Variants in RGS8 observed in about 807,000 individuals in gnomAD.
RGS8 encodes the protein regulator of G protein signaling 8, also known as regulator of G-protein signaling 8.
RGS8 carries 8 observed loss-of-function variants against 21.7 expected under a neutral mutation model. That is an observed-to-expected ratio of 0.37 (90% CI 0.22 to 0.66). The LOEUF (loss-of-function observed/expected upper bound fraction) is 0.66, where lower values mean the gene tolerates loss of function less well. RGS8 is among the 30% of genes least tolerant of loss of function. The pLI is 0.59. For missense variants in RGS8, 157 were observed against 217.9 expected (o/e 0.72, Z 1.76); for synonymous variants, 80 against 83.6 (o/e 0.96, Z 0.24).
At chr1:182,707,908 G>A in the RGS8 span, among the ~76,000 whole-genome samples, 14 of 152,034 alleles carry the variant, frequency 9.2e-5, no homozygotes, top group South Asian at 2.5e-3. Flanking sequence ...GGGTTTCACC[G>A]TGTTAGCCAG....
At chr1:182,648,367 A>G (rs1662806024) in intron 5 of RGS8, 64 bp from the exon 7 acceptor site, 1 of 1,540,028 alleles carries the variant, frequency 6.5e-7, no homozygotes, top group African/African-American at 1.4e-5. Context: ...GAACTGTAGA[A>G]GAAAGAAAGG....
chr1:182,730,770 A>C, the RGS8 span, among the ~76,000 whole-genome samples: 1 of 152,144 alleles, frequency 6.6e-6, no homozygotes, highest in African/African-American at 2.4e-5. Context: ...TTGCAGAAAA[A>C]GTCCCTAGAC....
the RGS8 span, among the ~76,000 whole-genome samples, chr1:182,731,711 G>A: frequency 1.3e-5 from 2 of 152,318 alleles, no homozygotes; most frequent in East Asian, 1.9e-4. Context: ...AATGGACTAC[G>A]ATTTAAATGA....
chr1:182,671,977 C>A, upstream of RGS8: 2 of 1,280,890 alleles, frequency 1.6e-6, no homozygotes, highest in Non-Finnish European at 2.0e-6. Context: ...ACAGTCTGCA[C>A]GCCCATCCTC....
the RGS8 span, among the ~76,000 whole-genome samples, chr1:182,700,861 A>C: frequency 6.6e-6 from 1 of 152,336 alleles, no homozygotes; most frequent in Admixed American, 6.5e-5. Flanking sequence ...AAATTAAGAC[A>C]CCAGAAAAAA....
At chr1:182,686,566 G>A (rs530372891), upstream of RGS8, among the ~76,000 whole-genome samples, 2 of 152,292 alleles carry the variant, frequency 1.3e-5, no homozygotes, top group South Asian at 2.1e-4. Context: ...AGCTGAGAAT[G>A]ACTCTACAAT....
At chr1:182,683,730 C>T (rs538689668) in intron 1 of RGS8, among the ~76,000 whole-genome samples, 56 of 151,976 alleles carry the variant, frequency 3.7e-4, no homozygotes, top group Admixed American at 9.2e-4. Flanking sequence ...GGCAACCGTG[C>T]CCTCAACTCA....
At chr1:182,713,475 C>T in the RGS8 span, among the ~76,000 whole-genome samples, 39 of 152,168 alleles carry the variant, frequency 2.6e-4, no homozygotes, top group Non-Finnish European at 4.7e-4. Context: ...TGAGCCACCA[C>T]GCCCGGCCTC....
chr1:182,727,635 T>C, the RGS8 span, among the ~76,000 whole-genome samples: 1 of 152,178 alleles, frequency 6.6e-6, no homozygotes, highest in East Asian at 1.9e-4. Context: ...GAACACCAAA[T>C]AATTCTATAA....
At chr1:182,687,744 T>G (rs1376673224), upstream of RGS8, among the ~76,000 whole-genome samples, 1 of 152,202 alleles carries the variant, frequency 6.6e-6, no homozygotes, top group African/African-American at 2.4e-5. Flanking sequence ...GACTCTGCAT[T>G]TGTTAGAATA....
chr1:182,691,783 A>G, the RGS8 span, among the ~76,000 whole-genome samples: 1 of 151,880 alleles, frequency 6.6e-6, no homozygotes. Flanking sequence ...CGCTCTCACC[A>G]CTCCTATCCA....
At chr1:182,747,918 T>C in the RGS8 span, among the ~76,000 whole-genome samples, 1 of 152,206 alleles carries the variant, frequency 6.6e-6, no homozygotes, top group Non-Finnish European at 1.5e-5. Context: ...TTGTTTTGTC[T>C]GTTTCTTACA....
chr1:182,691,319 C>T, the RGS8 span, among the ~76,000 whole-genome samples: 504 of 152,172 alleles, frequency 3.3e-3, 1 homozygote, highest in African/African-American at 0.011. Flanking sequence ...TTTAATTTAC[C>T]CCTCCCAACT....
chr1:182,725,891 T>C, the RGS8 span, among the ~76,000 whole-genome samples: 1 of 152,172 alleles, frequency 6.6e-6, no homozygotes, highest in Non-Finnish European at 1.5e-5. Context: ...AGTCACAAAA[T>C]GTTAATGTTA....
At chr1:182,711,064 T>C in the RGS8 span, among the ~76,000 whole-genome samples, 1 of 152,130 alleles carries the variant, frequency 6.6e-6, no homozygotes, top group Admixed American at 6.5e-5. Flanking sequence ...CCTGAGTTGG[T>C]AGGTGAATGA....
At chr1:182,737,424 C>T in the RGS8 span, among the ~76,000 whole-genome samples, 1 of 152,174 alleles carries the variant, frequency 6.6e-6, no homozygotes, top group African/African-American at 2.4e-5. Context: ...CCCATAACCC[C>T]ATGTGTCGTG....
the RGS8 span, among the ~76,000 whole-genome samples, chr1:182,725,964 A>T: frequency 6.6e-6 from 1 of 152,254 alleles, no homozygotes; most frequent in African/African-American, 2.4e-5. Context: ...GATAGTTAAT[A>T]AATGATGAAC....
At chr1:182,741,070 T>C in the RGS8 span, among the ~76,000 whole-genome samples, 2 of 151,548 alleles carry the variant, frequency 1.3e-5, no homozygotes, top group African/African-American at 2.4e-5. Flanking sequence ...AGCTGTTGGG[T>C]ACACCTCCCA....
chr1:182,692,791 A>G, the RGS8 span, among the ~76,000 whole-genome samples: 5 of 152,140 alleles, frequency 3.3e-5, no homozygotes, highest in Non-Finnish European at 5.9e-5. Context: ...ACATAGACCA[A>G]TAGAACAGGT....
Sources: allele counts gnomAD v4.1 joint callset (sites outside exome capture counted in the v4.1 genomes callset), GRCh38; gene constraint gnomAD v4.1.1; transcripts MANE v1.5; gene names NCBI Gene and HGNC (gene_info 2026-07-23, HGNC 2026-07-21).